Variants in CLASP2 observed in about 807,000 individuals in gnomAD.
CLASP2 encodes cytoplasmic linker associated protein 2.
A neutral mutation model predicts 194.4 loss-of-function variants in CLASP2; 47 were observed. That is an observed-to-expected ratio of 0.24 (90% CI 0.19 to 0.31). CLASP2 has a LOEUF of 0.31. Ranked by LOEUF, CLASP2 falls within the 10% of genes least tolerant of loss-of-function variation. The probability of loss-of-function intolerance (pLI) is 1.00; values close to 1 mark genes in which losing one functional copy is unlikely to be tolerated. For missense variants in CLASP2, 1,445 were observed against 1,823.6 expected, an observed-to-expected ratio of 0.79 and a Z score of 3.78; for synonymous variants, 619 against 633.5, an observed-to-expected ratio of 0.98 and a Z score of 0.34.
intron 36 of CLASP2, among the ~76,000 whole-genome samples, chr3:33,513,939 C>T (rs1417004999): frequency 2.0e-5 from 3 of 152,180 alleles, no homozygotes; most frequent in Non-Finnish European, 4.4e-5. Context: ...TGCCTTTTCA[C>T]TTTCAGGATA....
Position 33,627,059 on chromosome 3 carries a change from C to A in CLASP2, c.964G>T (p.Glu322Ter). The A allele has an allele frequency of 1.3e-6, 2 of 1,567,828 alleles. No homozygotes were observed. The highest frequency in any genetic ancestry group is 1.7e-6 in the Non-Finnish European group (2 of 1,148,092). Residue 322 changes from glutamate (E) to a stop codon, truncating the protein, a stop_gained, in exon 10 of 39, where the codon GAA becomes TAA. Coordinates refer to ENST00000682230, the MANE Select transcript of CLASP2 (RefSeq NM_001365631.1). LOFTEE classifies it high-confidence loss of function. ...TCCCTGATTTTATTTAATGTTTCTT[C>A]GAGTTCTCGACTAGAATAAATCTTA... is the stretch of plus-strand genomic sequence containing the variant. Reference protein sequence around the residue: ...SIQIYSSRELEETLNKIREIL... With the variant: ...SIQIYSSREL
intron 37 of CLASP2, chr3:33,504,760 G>A (rs1307040192): frequency 6.6e-6 from 1 of 152,194 alleles, no homozygotes; most frequent in Non-Finnish European, 1.5e-5. Context: ...ATGGAACCTA[G>A]ATCCCTCATA....
intron 6 of CLASP2, among the ~76,000 whole-genome samples, chr3:33,678,018 A>G (rs1045270019): frequency 6.6e-6 from 1 of 151,660 alleles, no homozygotes; most frequent in Non-Finnish European, 1.5e-5. Flanking sequence ...ACACTGATGT[A>G]TCTCTGAGCT....
intron 34 of CLASP2, among the ~76,000 whole-genome samples, chr3:33,524,186 C>T (rs1321316005): frequency 6.6e-6 from 1 of 151,904 alleles, no homozygotes; most frequent in Non-Finnish European, 1.5e-5. Flanking sequence ...GATATTCTAT[C>T]CTTTTGCAAA....
chr3:33,595,368 G>A (rs1034712338), intron 19 of CLASP2, among the ~76,000 whole-genome samples: 2 of 151,916 alleles, frequency 1.3e-5, no homozygotes, highest in African/African-American at 4.8e-5. Flanking sequence ...TTTTCAAAAG[G>A]TAGCCCATGA....
rs113330831 is a variant in CLASP2 at position 33,604,002 on chromosome 3, A to G, written c.1750+152T>C. Among the ~76,000 whole-genome samples the G allele has an allele frequency of 1.8e-3, 275 of 152,306 alleles. 1 individual carries two copies. Among genetic ancestry groups the G allele is most frequent in the African/African-American group, 6.1e-3 (253 of 41,574 alleles). On this transcript the variant is annotated intron_variant, in intron 17 of 38. Transcript: ENST00000682230. ...GAACTTCGGGTTTTATTATATATGT[A>G]TACACGTATACATATACAGGTACAG...
chr3:33,534,411 TA>T (rs2056943054), intron 34 of CLASP2, among the ~76,000 whole-genome samples: 1 of 151,724 alleles, frequency 6.6e-6, no homozygotes, highest in South Asian at 2.1e-4. Context: ...AACATTTATT[TA>T]AAAAGGTAAA....
At chr3:33,658,935 T>C (rs983323284) in intron 7 of CLASP2, 5 of 1,498,686 alleles carry the variant, frequency 3.3e-6, no homozygotes, top group Admixed American at 2.0e-5. Flanking sequence ...AAAGGAAGTG[T>C]ATAACACAAG....
At chr3:33,678,829 G>C (rs1481811776) in intron 6 of CLASP2, among the ~76,000 whole-genome samples, 2 of 152,194 alleles carry the variant, frequency 1.3e-5, no homozygotes, top group Admixed American at 6.5e-5. Context: ...GTATTTTCAA[G>C]ATGTCAGTTC....
intron 6 of CLASP2, among the ~76,000 whole-genome samples, chr3:33,677,486 T>C (rs2088941578): frequency 6.9e-6 from 1 of 144,538 alleles, no homozygotes; most frequent in African/African-American, 2.6e-5. Context: ...TTCTCACTCA[T>C]AGATGGGAAT....
intron 30 of CLASP2, among the ~76,000 whole-genome samples, chr3:33,549,952 G>A (rs1031915147): frequency 2.0e-5 from 3 of 151,784 alleles, no homozygotes; most frequent in Non-Finnish European, 4.4e-5. Flanking sequence ...GCTCAGGCTG[G>A]GCTCAAGCTC....
At chr3:33,667,959 C>T (rs2086494236) in intron 6 of CLASP2, among the ~76,000 whole-genome samples, 1 of 152,164 alleles carries the variant, frequency 6.6e-6, no homozygotes, top group Non-Finnish European at 1.5e-5. Context: ...GTGGCCCACA[C>T]CTGTAATCCC....
Position 33,635,098 on chromosome 3 carries a change from C to A in CLASP2, c.863-2727G>T, listed in dbSNP as rs533754793. ...GAAACCATGTCTCTACTAAAAATAC[C>A]AAAAAAAAAAACCCAGCCAGGAGTG... On this transcript the variant is annotated intron_variant, in intron 8 of 38. Transcript: ENST00000682230. Among the ~76,000 whole-genome samples, 41 of 142,458 alleles carry A rather than the reference C, an allele frequency of 2.9e-4. No individual in the cohort carries two copies. The South Asian group carries it at 9.0e-3, about 31-fold the overall frequency. 93.5% of individuals were successfully genotyped at this position (142,458 alleles called of 152,430 possible).
intron 20 of CLASP2, among the ~76,000 whole-genome samples, chr3:33,594,712 A>T (rs1051581103): frequency 2.0e-5 from 3 of 151,498 alleles, no homozygotes; most frequent in African/African-American, 7.3e-5. Context: ...TTAAGCAATT[A>T]TGTTTTTCCA....
At position 33,644,892 on chromosome 3, in the gene CLASP2, C is replaced by T; in HGVS notation, c.727G>A (p.Asp243Asn). The change falls in exon 8 of 39, where the codon GAT becomes AAT. Residue 243 changes from aspartate (D) to asparagine (N), a missense_variant. Asp to Asn is a conservative substitution (Grantham distance 23). This residue lies in a region of CLASP2 where 332 missense variants were observed against 325.3 expected (regional missense o/e 1.02). Coordinates refer to ENST00000682230, the MANE Select transcript of CLASP2 (RefSeq NM_001365631.1). ...TTTCCATCCACTGATTCTTCATCAT[C>T]GAAGCTTTTATCTGCACAAAGCATC... ...ILSVCKDKSF[D>N]DEESVDGNRP... The T allele has an allele frequency of 6.3e-7, 1 of 1,596,996 alleles. No homozygotes were observed. The highest frequency in any genetic ancestry group is 1.3e-5 in the African/African-American group (1 of 74,830).
chr3:33,638,257 GTTTGA>G (rs1304886112), intron 8 of CLASP2, among the ~76,000 whole-genome samples: 1 of 151,850 alleles, frequency 6.6e-6, no homozygotes, highest in Non-Finnish European at 1.5e-5. Flanking sequence ...ACTCTCCGTT[GTTTGA>G]TTTAACAATG....
chr3:33,574,435 TG>T, intron 24 of CLASP2: 1 of 1,336,846 alleles, frequency 7.5e-7, no homozygotes, highest in Non-Finnish European at 1.0e-6. Flanking sequence ...AAAAAAGTTA[TG>T]GTATCATAAG....
intron 33 of CLASP2, 39 bp from the exon 34 acceptor site, chr3:33,535,500 T>C: frequency 6.9e-7 from 1 of 1,457,486 alleles, no homozygotes; most frequent in Non-Finnish European, 9.6e-7. Context: ...AATTAACTCA[T>C]TTTTCAAGTA....
At chr3:33,571,497 T>C (rs1388920483) in intron 25 of CLASP2, among the ~76,000 whole-genome samples, 2 of 151,694 alleles carry the variant, frequency 1.3e-5, no homozygotes, top group East Asian at 2.0e-4. Flanking sequence ...GCGCTGGTCA[T>C]GGTGGCACAC....
Sources: allele counts gnomAD v4.1 joint callset (sites outside exome capture counted in the v4.1 genomes callset), GRCh38; gene constraint gnomAD v4.1.1; regional missense constraint gnomAD v4.1.1; transcripts MANE v1.5; gene names NCBI Gene and HGNC (gene_info 2026-07-23, HGNC 2026-07-21).